The following RANBP10 variants were observed in gnomAD, a reference collection of about 807,000 sequenced individuals.
The protein encoded by RANBP10 is ran-binding protein 10.
A neutral mutation model predicts 72.8 loss-of-function variants in RANBP10; 24 were observed. That is an observed-to-expected ratio of 0.33 (90% CI 0.24 to 0.46). RANBP10 has a LOEUF of 0.46. RANBP10 is among the 20% of genes least tolerant of loss of function. RANBP10 has a pLI of 1.00. For synonymous variants in RANBP10, 310 were observed against 322.3 expected (o/e 0.96, Z 0.41); for missense variants, 679 against 817.5 (o/e 0.83, Z 2.07).
Position 67,778,623 on chromosome 16 carries a change from G to A in RANBP10, c.348-6537C>T, listed in dbSNP as rs751768278. Among the ~76,000 whole-genome samples, 18 of 152,232 alleles carry A rather than the reference G, an allele frequency of 1.2e-4. 1 individual carries two copies. The highest frequency in any genetic ancestry group is 2.4e-5 in the African/African-American group (1 of 41,460). Reference sequence around the variant, plus strand: ...TCCAGCAATGTGGGAGGCTGAGGCAGGAGGATCGCTTGAGCCCAGGAGTTT... The same window carrying A: ...TCCAGCAATGTGGGAGGCTGAGGCAAGAGGATCGCTTGAGCCCAGGAGTTT... On this transcript the variant is annotated intron_variant, in intron 2 of 13. Transcript: ENST00000317506.
chr16:67,789,129 G>A (rs942086148), intron 2 of RANBP10, among the ~76,000 whole-genome samples: 11 of 151,330 alleles, frequency 7.3e-5, no homozygotes, highest in African/African-American at 9.8e-5. Flanking sequence ...GGCCAATATG[G>A]TGAAATGCCA....
At chr16:67,801,161 C>T (rs938221058) in intron 2 of RANBP10, among the ~76,000 whole-genome samples, 1 of 152,134 alleles carries the variant, frequency 6.6e-6, no homozygotes, top group African/African-American at 2.4e-5. Flanking sequence ...TTTATAAATA[C>T]CTTTTACAAA....
chr16:67,745,591 T>C (rs2054056070), intron 3 of RANBP10, among the ~76,000 whole-genome samples: 1 of 152,066 alleles, frequency 6.6e-6, no homozygotes. Flanking sequence ...AGCCTCGGCA[T>C]CCCAAAATGT....
rs567429845 is a variant in RANBP10, at chr16:67,756,195, G to A, written c.401-11740C>T. Among the ~76,000 whole-genome samples, 38 of 152,352 alleles carry A rather than the reference G, an allele frequency of 2.5e-4. No homozygotes were observed. In the South Asian group the frequency reaches 2.9e-3, roughly 12 times the overall value. On this transcript the variant is annotated intron_variant, in intron 3 of 13. Coordinates refer to ENST00000317506, the MANE Select transcript of RANBP10 (RefSeq NM_020850.3). ...CCTGTAGGGTGCCAGGGACTCCAGC[G>A]TGACCGTTCCAGCAGCCCACCCATG...
intron 2 of RANBP10, 56 bp from the exon 3 acceptor site, chr16:67,772,142 G>A (rs184147201): frequency 5.7e-5 from 88 of 1,544,708 alleles, no homozygotes; most frequent in African/African-American, 4.9e-4. Context: ...ATGCTCATGC[G>A]TCTCCCTTCT....
intron 3 of RANBP10, among the ~76,000 whole-genome samples, chr16:67,759,157 C>T (rs1443416470): frequency 6.6e-6 from 1 of 152,268 alleles, no homozygotes; most frequent in Non-Finnish European, 1.5e-5. Flanking sequence ...CTGGACGGCC[C>T]TGGAAAACCT....
At chr16:67,785,598 C>T (rs781231031) in intron 2 of RANBP10, among the ~76,000 whole-genome samples, 12 of 151,102 alleles carry the variant, frequency 7.9e-5, no homozygotes, top group Non-Finnish European at 1.6e-4. Context: ...TATGGTGGTC[C>T]ATGCCTGTAA....
chr16:67,754,250 T>TAAG (rs2054248508), intron 3 of RANBP10, among the ~76,000 whole-genome samples: 1 of 151,780 alleles, frequency 6.6e-6, no homozygotes, highest in Admixed American at 6.6e-5. Flanking sequence ...ACAAGGCAGG[T>TAAG]AAGATGGTGG....
chr16:67,768,247 G>A (rs1033663650), intron 3 of RANBP10, among the ~76,000 whole-genome samples: 12 of 151,914 alleles, frequency 7.9e-5, no homozygotes, highest in Non-Finnish European at 1.3e-4. Flanking sequence ...ACGGCCGGGC[G>A]TGGTGCCTCA....
chr16:67,805,689 A>C, intron 1 of RANBP10, 150 bp from the exon 2 acceptor site: 1 of 649,494 alleles, frequency 1.5e-6, no homozygotes, highest in Non-Finnish European at 2.7e-6. Context: ...CAACTGAATA[A>C]ACACTTAAAC....
rs770137678 is a variant in RANBP10, at chr16:67,723,897, T to C, written c.*2531A>G. 2 of 152,630 alleles carry C rather than the reference T, an allele frequency of 1.3e-5. No homozygotes were observed. Among genetic ancestry groups the C allele is most frequent in the Non-Finnish European group, 2.9e-5 (2 of 68,196 alleles). 9.5% of individuals were successfully genotyped at this position (152,630 alleles called of 1,614,324 possible). On this transcript the variant is annotated 3_prime_UTR_variant, in exon 14 of 14. Transcript: ENST00000317506. ...GAGAGTGGGCTCAAGCAGCTTGGTTTTGGCCCTCTCCACAGCTTGTGGGGC... is the reference window on the plus strand; with the variant it reads ...GAGAGTGGGCTCAAGCAGCTTGGTTCTGGCCCTCTCCACAGCTTGTGGGGC...
chr16:67,796,112 T>G (rs2055129738), intron 2 of RANBP10, among the ~76,000 whole-genome samples: 1 of 151,886 alleles, frequency 6.6e-6, no homozygotes, highest in Non-Finnish European at 1.5e-5. Context: ...GAGACAGGGT[T>G]TCGCCATGTC....
At chr16:67,753,632 A>G (rs531225140) in intron 3 of RANBP10, among the ~76,000 whole-genome samples, 1 of 152,348 alleles carries the variant, frequency 6.6e-6, no homozygotes, top group South Asian at 2.1e-4. Flanking sequence ...GGAACAGAAG[A>G]AAAAACCTTC....
chr16:67,768,159 A>C (rs943266927), intron 3 of RANBP10, among the ~76,000 whole-genome samples: 1 of 150,806 alleles, frequency 6.6e-6, no homozygotes, highest in African/African-American at 2.4e-5. Context: ...GGAGGCCGAG[A>C]TGAGTGGACT....
chr16:67,786,908 T>C (rs562679868), intron 2 of RANBP10, among the ~76,000 whole-genome samples: 19 of 149,994 alleles, frequency 1.3e-4, no homozygotes, highest in East Asian at 1.2e-3. Flanking sequence ...GCCTGGGGGA[T>C]AGAGCTAGAC....
chr16:67,801,209 G>C (rs2055230103), intron 2 of RANBP10, among the ~76,000 whole-genome samples: 2 of 152,156 alleles, frequency 1.3e-5, no homozygotes, highest in African/African-American at 2.4e-5. Flanking sequence ...CAAGTTTACA[G>C]ATTAAATGGA....
In RANBP10 at chr16:67,728,373, C is replaced by T. The variant is rs190999067; in HGVS notation, c.1474+17G>A. The T allele has an allele frequency of 1.9e-5, 30 of 1,612,476 alleles. No individual in the cohort carries two copies. The highest frequency in any genetic ancestry group is 1.7e-4 in the Middle Eastern group (1 of 6,058). On this transcript the variant is annotated intron_variant, in intron 11 of 13. Coordinates refer to ENST00000317506, the MANE Select transcript of RANBP10 (RefSeq NM_020850.3). ...ACACTGCCCTCAAAGAATAGCACAC[C>T]GGGCCGTGGCTCTCACCCATGCTGG... is the stretch of plus-strand genomic sequence containing the variant.
At chr16:67,731,719 G>A (rs1567674371) in intron 6 of RANBP10, 135 bp from the exon 7 acceptor site, 2 of 627,830 alleles carry the variant, frequency 3.2e-6, no homozygotes, top group Non-Finnish European at 2.7e-6. Flanking sequence ...CACAGAATGA[G>A]AATAAAGGGG....
chr16:67,780,380 A>G (rs2143014953), intron 2 of RANBP10, among the ~76,000 whole-genome samples: 1 of 152,286 alleles, frequency 6.6e-6, no homozygotes, highest in Middle Eastern at 3.4e-3. Flanking sequence ...CTGGATCTGG[A>G]AATGGGCTGT....
Sources: allele counts gnomAD v4.1 joint callset (sites outside exome capture counted in the v4.1 genomes callset), GRCh38; gene constraint gnomAD v4.1.1; transcripts MANE v1.5; gene names NCBI Gene and HGNC (gene_info 2026-07-23, HGNC 2026-07-21).